The following MTFR2 variants were observed in gnomAD, a reference collection of about 807,000 sequenced individuals.
The protein encoded by MTFR2 is mitochondrial fission regulator 2.
A neutral mutation model predicts 41.2 loss-of-function variants in MTFR2; 44 were observed. The observed-to-expected ratio is 1.07, with a 90% confidence interval of 0.84 to 1.37. The LOEUF (loss-of-function observed/expected upper bound fraction) is 1.37, where lower values mean the gene tolerates loss of function less well. Ranked by LOEUF, MTFR2 falls within the 40% of genes most tolerant of loss-of-function variation. The pLI is 0.00. For missense variants in MTFR2, 452 were observed against 459.5 expected, an observed-to-expected ratio of 0.98 and a Z score of 0.15; for synonymous variants, 141 against 154.6, an observed-to-expected ratio of 0.91 and a Z score of 0.65.
intron 2 of MTFR2, chr6:136,247,547 G>C (rs1184140150): frequency 4.4e-6 from 2 of 456,006 alleles, no homozygotes; most frequent in East Asian, 1.4e-4. Context: ...CAAATATGCT[G>C]AAGTTACTTC....
chr6:136,231,307 T>C lies in MTFR2; in HGVS notation c.1126A>G (p.Ser376Gly). 6.2e-7 allele frequency: 1 copy of C among 1,612,840 alleles called. No homozygotes were observed. The highest frequency in any genetic ancestry group is 8.5e-7 in the Non-Finnish European group (1 of 1,179,534). Residue 376 changes from serine (S) to glycine (G), a missense_variant, in exon 8 of 8, where the codon AGC (serine) becomes GGC (glycine). Transcript: ENST00000420702. ...CTTGAGTTTAGAAGGCTTGTGTTGC[T>C]GATACCTTGGTCAACAGCTTTTGTG... ...VNTKAVDQGISNTSLLNSRI is the reference protein window; with the variant it reads ...VNTKAVDQGIGNTSLLNSRI
At chr6:136,246,471 C>T (rs1039246453) in intron 2 of MTFR2, among the ~76,000 whole-genome samples, 1 of 151,954 alleles carries the variant, frequency 6.6e-6, no homozygotes, top group African/African-American at 2.4e-5. Context: ...TTTATAGAGA[C>T]GAGGTTTCAT....
At chr6:136,241,045 C>A (rs1211451852) in intron 5 of MTFR2, among the ~76,000 whole-genome samples, 1 of 149,624 alleles carries the variant, frequency 6.7e-6, no homozygotes, top group South Asian at 2.1e-4. Context: ...GAGCCAAGAT[C>A]GTGCCACTGC....
At chr6:136,245,851 T>G (rs529240164) in intron 2 of MTFR2, among the ~76,000 whole-genome samples, 49 of 152,246 alleles carry the variant, frequency 3.2e-4, no homozygotes, top group African/African-American at 1.1e-3. Flanking sequence ...TTATTTTACA[T>G]TTTTTTCACA....
chr6:136,233,562 A>T, intron 6 of MTFR2, 63 bp from the exon 7 acceptor site: 1 of 1,246,448 alleles, frequency 8.0e-7, no homozygotes, highest in Non-Finnish European at 1.1e-6. Flanking sequence ...CTCCTTGTTG[A>T]CAAACATGGC....
intron 6 of MTFR2, among the ~76,000 whole-genome samples, chr6:136,234,852 G>A (rs369473644): frequency 1.3e-5 from 2 of 152,202 alleles, no homozygotes; most frequent in East Asian, 1.9e-4. Flanking sequence ...TGATGGGAAC[G>A]GTGGGAGATA....
intron 3 of MTFR2, among the ~76,000 whole-genome samples, chr6:136,243,970 A>T (rs1174548718): frequency 6.6e-6 from 1 of 152,110 alleles, no homozygotes; most frequent in Admixed American, 6.5e-5. Flanking sequence ...AAATTTAAAA[A>T]TTTTTAAATC....
chr6:136,248,724 T>G (rs1780283808), intron 2 of MTFR2: 1 of 314,574 alleles, frequency 3.2e-6, no homozygotes, highest in Non-Finnish European at 5.8e-6. Context: ...ATATTGAACT[T>G]GTTTATAAAT....
rs190223115 is a variant in MTFR2, at chr6:136,231,856, T to C, written c.1045-468A>G. ...CTTCTTACATAAATGCATCCTCAAATTTTCAAACATCCTCAAATTTTAAGA... is the reference window on the plus strand; with the variant it reads ...CTTCTTACATAAATGCATCCTCAAACTTTCAAACATCCTCAAATTTTAAGA... On this transcript the variant is annotated intron_variant, in intron 7 of 7. Coordinates refer to ENST00000420702, the MANE Select transcript of MTFR2 (RefSeq NM_001099286.3). 6.4e-4 allele frequency among the ~76,000 whole-genome samples: 88 copies of C among 137,244 alleles called. 1 individual carries two copies. The East Asian group carries it at 0.015, about 23-fold the overall frequency. The allele number at this position is 137,244 out of a possible 152,430, so 90.0% of individuals were successfully genotyped here. A position where few individuals can be genotyped will look rare whatever the true frequency, so the allele number is the denominator to read the frequency against.
At chr6:136,239,852 G>T (rs376706416) in intron 5 of MTFR2, 32 bp from the exon 6 acceptor site, 17 of 1,533,858 alleles carry the variant, frequency 1.1e-5, no homozygotes, top group Non-Finnish European at 1.5e-5. Flanking sequence ...ACAAAATCAT[G>T]CACAATTATC....
chr6:136,235,636 TAAAG>T (rs1165992898), intron 6 of MTFR2, among the ~76,000 whole-genome samples: 1 of 152,026 alleles, frequency 6.6e-6, no homozygotes, highest in Non-Finnish European at 1.5e-5. Context: ...AGAAACCAAG[TAAAG>T]AAAGTGCTCC....
chr6:136,249,086 A>G lies in MTFR2; in HGVS notation c.14T>C (p.Leu5Pro), dbSNP rs754138348. The G allele has an allele frequency of 5.0e-6, 8 of 1,590,520 alleles. No homozygotes were observed. In the South Asian group the frequency reaches 9.3e-5, roughly 19 times the overall value. The change falls in exon 2 of 8, where the codon CTG becomes CCG. Residue 5 changes from leucine to proline, a missense_variant. Physicochemically the swap from Leu to Pro is moderately conservative, Grantham distance 98. Transcript: ENST00000420702. Reference sequence around the variant, plus strand: ...TTCCAGCATCTCTCTTAAGATATTCAGTATGAGAGACATTGATGAAGCAAA... The same window carrying G: ...TTCCAGCATCTCTCTTAAGATATTCGGTATGAGAGACATTGATGAAGCAAA... MSLI[L>P]NILREMLEYF...
At chr6:136,248,482 T>G (rs533625653) in intron 2 of MTFR2, among the ~76,000 whole-genome samples, 2 of 152,226 alleles carry the variant, frequency 1.3e-5, no homozygotes, top group East Asian at 3.8e-4. Context: ...CAAGCTCTCT[T>G]GCCTGCCACC....
At chr6:136,237,621 C>A (rs1489286423) in intron 6 of MTFR2, among the ~76,000 whole-genome samples, 3 of 151,430 alleles carry the variant, frequency 2.0e-5, no homozygotes, top group South Asian at 4.2e-4. Context: ...ACCAGCCTGG[C>A]CAACATGGTG....
intron 6 of MTFR2, among the ~76,000 whole-genome samples, chr6:136,238,500 G>T (rs989419037): frequency 2.6e-5 from 4 of 152,020 alleles, no homozygotes; most frequent in African/African-American, 9.7e-5. Context: ...GTAGAAAGAA[G>T]AATGGCAGTT....
chr6:136,235,571 G>A (rs1779882237), intron 6 of MTFR2, among the ~76,000 whole-genome samples: 3 of 152,222 alleles, frequency 2.0e-5, no homozygotes, highest in South Asian at 4.1e-4. Flanking sequence ...AAGAGTTTAA[G>A]GAATAAGAAG....
intron 6 of MTFR2, among the ~76,000 whole-genome samples, chr6:136,236,139 C>T (rs1041968074): frequency 6.6e-6 from 1 of 152,140 alleles, no homozygotes; most frequent in African/African-American, 2.4e-5. Flanking sequence ...GAATTCATAT[C>T]AGAAAGGGGA....
At chr6:136,248,208 C>T (rs575704199) in intron 2 of MTFR2, among the ~76,000 whole-genome samples, 2 of 152,224 alleles carry the variant, frequency 1.3e-5, no homozygotes, top group African/African-American at 2.4e-5. Flanking sequence ...CCATGTATTA[C>T]TCCTCTGTAT....
Position 136,241,650 on chromosome 6 carries a change from T to C in MTFR2, c.308A>G (p.Glu103Gly). ...CAAAGGATGAAAAATTTCCACTTTC[T>C]CTTCTTCATTTTTCCATATACTATT... ...FRNSIWKNEE[E>G]KVEIFHPLRL... The change falls in exon 5 of 8, where the codon GAG becomes GGG. Residue 103 changes from glutamate to glycine, a missense_variant. Physicochemically the swap from Glu to Gly is moderately conservative, Grantham distance 98 (BLOSUM62 -2). Coordinates refer to ENST00000420702, the MANE Select transcript of MTFR2 (RefSeq NM_001099286.3). The C allele has an allele frequency of 6.2e-7, 1 of 1,612,544 alleles. No homozygotes were observed. Among genetic ancestry groups the C allele is most frequent in the Non-Finnish European group, 8.5e-7 (1 of 1,179,656 alleles).
Sources: gnomAD v4.1 joint callset for allele counts (sites outside exome capture counted in the v4.1 genomes callset) on GRCh38, gnomAD v4.1.1 for gene constraint, MANE v1.5 for transcripts, NCBI Gene and HGNC (gene_info 2026-07-23, HGNC 2026-07-21) for gene names.